Variants in YLPM1 observed in about 807,000 individuals in gnomAD.
YLPM1 encodes the protein YLP motif containing 1, also known as YLP motif-containing protein 1.
Under a neutral mutation model 230.0 loss-of-function variants are expected in YLPM1, and 99 were observed. The ratio of observed to expected loss-of-function variants is 0.43; its 90% CI spans 0.37 to 0.51. The LOEUF (loss-of-function observed/expected upper bound fraction) is 0.51. Ranked by LOEUF, YLPM1 falls within the 20% of genes least tolerant of loss-of-function variation. The pLI is 0.00. For synonymous variants in YLPM1, 984 were observed against 942.5 expected (o/e 1.04, Z -0.81); for missense variants, 2,592 against 2,707.7 (o/e 0.96, Z 0.95).
intron 4 of YLPM1, among the ~76,000 whole-genome samples, chr14:74,786,642 A>G (rs2091153044): frequency 6.6e-6 from 1 of 152,222 alleles, no homozygotes. Context: ...CCGTTCCTGT[A>G]CAATAGTTCA....
Position 74,784,971 on chromosome 14 carries a change from C to T in YLPM1, c.2282+2646C>T, listed in dbSNP as rs1195955815. Among the ~76,000 whole-genome samples, 3 of 152,286 alleles carry T rather than the reference C, an allele frequency of 2.0e-5. No individual in the cohort carries two copies. In the East Asian group the frequency reaches 5.8e-4, roughly 29 times the overall value. ...ATGCAGAGGAGCATGGGCCTAGTAC[C>T]AACTTCATTATAAATAATGTGCTTA... is the stretch of plus-strand genomic sequence containing the variant. On this transcript the variant is annotated intron_variant, in intron 4 of 20. Transcript: ENST00000325680.
chr14:74,816,307 T>G, intron 12 of YLPM1, 42 bp downstream of exon 12: 1 of 1,580,778 alleles, frequency 6.3e-7, no homozygotes, highest in Non-Finnish European at 8.6e-7. Flanking sequence ...TTGTGCTGCT[T>G]GTGTTAGTAG....
At chr14:74,787,379 A>C (rs2091160218) in intron 4 of YLPM1, among the ~76,000 whole-genome samples, 1 of 152,106 alleles carries the variant, frequency 6.6e-6, no homozygotes, top group Non-Finnish European at 1.5e-5. Context: ...CGTGGCCAAC[A>C]TGGTGAAGCC....
rs7157737 is a variant in YLPM1 at position 74,769,129 on chromosome 14, G to A, written c.873+4767G>A. 7.7e-3 allele frequency among the ~76,000 whole-genome samples: 1,173 copies of A among 151,374 alleles called. 13 individuals are homozygous for A. Among genetic ancestry groups the A allele is most frequent in the African/African-American group, 0.027 (1,110 of 41,442 alleles). On this transcript the variant is annotated intron_variant, in intron 1 of 20. Coordinates refer to ENST00000325680, the MANE Select transcript of YLPM1 (RefSeq NM_019589.3). Reference sequence around the variant, plus strand: ...CTCGCTCTGTTGCCCAGGCTGGAGTGCAGTGGCGCGATCTCGGCTCACTGC... The same window carrying A: ...CTCGCTCTGTTGCCCAGGCTGGAGTACAGTGGCGCGATCTCGGCTCACTGC...
chr14:74,830,589 C>A (rs924163862), intron 19 of YLPM1, among the ~76,000 whole-genome samples: 3 of 152,112 alleles, frequency 2.0e-5, no homozygotes, highest in African/African-American at 7.2e-5. Flanking sequence ...TAAAGGAATA[C>A]GTGAGATTGG....
chr14:74,824,198 G>T (rs1222138069), intron 17 of YLPM1, 58 bp from the exon 18 acceptor site: 1 of 1,541,800 alleles, frequency 6.5e-7, no homozygotes, highest in African/African-American at 1.4e-5. Context: ...GTTCAAACGT[G>T]ATATGCATGT....
At position 74,835,301 on chromosome 14, in the gene YLPM1, G is replaced by C; in HGVS notation, c.6331G>C (p.Asp2111His). ...AGACCTGGAAGAGAAGAAGGATGCA[G>C]ATAGGAAAAGGGCCATAGGTTTTGT... The part of the protein sequence containing the change: ...WADLEEKKDA[D>H]RKRAIGFVVG... The change falls in exon 20 of 21, where the codon GAT becomes CAT. Residue 2111 changes from aspartate (D) to histidine (H), a missense_variant. Asp to His is a moderately conservative substitution (Grantham distance 81). Coordinates refer to ENST00000325680, the MANE Select transcript of YLPM1 (RefSeq NM_019589.3). 1 of 1,613,670 alleles carries C rather than the reference G, an allele frequency of 6.2e-7. No individual in the cohort carries two copies. The highest frequency in any genetic ancestry group is 8.5e-7 in the Non-Finnish European group (1 of 1,179,666).
chr14:74,790,015 A>G (rs1316131832), intron 4 of YLPM1, among the ~76,000 whole-genome samples: 3 of 151,756 alleles, frequency 2.0e-5, no homozygotes, highest in Non-Finnish European at 2.9e-5. Context: ...CCTGTTCTAG[A>G]TTGTCTTGAT....
rs188885572 is a variant in YLPM1 at position 74,785,155 on chromosome 14, T to G, written c.2282+2830T>G. On this transcript the variant is annotated intron_variant, in intron 4 of 20. Coordinates refer to ENST00000325680, the MANE Select transcript of YLPM1 (RefSeq NM_019589.3). ...CTTATCCTGAACTTGTGTGGTTGGT[T>G]TTTTGTTTTTGTTTTTCTTGTTCCT... Among the ~76,000 whole-genome samples, 33 of 152,330 alleles carry G rather than the reference T, an allele frequency of 2.2e-4. No individual in the cohort carries two copies. In the East Asian group the frequency reaches 6.4e-3, roughly 29 times the overall value.
intron 1 of YLPM1, among the ~76,000 whole-genome samples, chr14:74,774,198 C>T (rs929668319): frequency 6.6e-6 from 1 of 152,188 alleles, no homozygotes; most frequent in Non-Finnish European, 1.5e-5. Flanking sequence ...AGAAAGTTTA[C>T]ATTAGGCAAA....
At chr14:74,767,722 G>A (rs2090927530) in intron 1 of YLPM1, among the ~76,000 whole-genome samples, 1 of 152,062 alleles carries the variant, frequency 6.6e-6, no homozygotes, top group Non-Finnish European at 1.5e-5. Context: ...TGAACTTGAT[G>A]AAAAATCTGT....
At chr14:74,805,221 C>G (rs1425424933) in intron 6 of YLPM1, among the ~76,000 whole-genome samples, 1 of 151,960 alleles carries the variant, frequency 6.6e-6, no homozygotes, top group Non-Finnish European at 1.5e-5. Context: ...AGGGTTTTAC[C>G]AATTGGCCAG....
In YLPM1 at chr14:74,818,221, T is replaced by A; in HGVS notation, c.5947-10T>A. On this transcript the variant is annotated splice_polypyrimidine_tract_variant and intron_variant, in intron 15 of 20. Coordinates refer to ENST00000325680, the MANE Select transcript of YLPM1 (RefSeq NM_019589.3). Reference sequence around the variant, plus strand: ...CTAGAGATAACTCAACCATCTGAATTTTTCAATAGATGGCTGATCACTGGG... The same window carrying A: ...CTAGAGATAACTCAACCATCTGAATATTTCAATAGATGGCTGATCACTGGG... 1 of 1,590,696 alleles carries A rather than the reference T, an allele frequency of 6.3e-7. No individual in the cohort carries two copies. Among genetic ancestry groups the A allele is most frequent in the Non-Finnish European group, 8.6e-7 (1 of 1,168,362 alleles).
intron 4 of YLPM1, 76 bp downstream of exon 4, chr14:74,782,401 T>TA: frequency 6.9e-7 from 1 of 1,449,090 alleles, no homozygotes; most frequent in South Asian, 1.5e-5. Flanking sequence ...CTCGATGGTA[T>TA]AAAAAGCTTC....
At position 74,816,681 on chromosome 14, in the gene YLPM1, G is replaced by A; in HGVS notation, c.5676G>A (p.Val1892=). ...EEKDPDSGKK[V]KKKVMEYEYE... ...AAGATCCAGATTCTGGAAAGAAAGTGAAAAAGAAGGTATGGTATTCATCTC... is the reference window on the plus strand; with the variant it reads ...AAGATCCAGATTCTGGAAAGAAAGTAAAAAAGAAGGTATGGTATTCATCTC... Residue 1892 remains valine, a synonymous_variant, in exon 13 of 21, where the codon GTG becomes GTA. Transcript: ENST00000325680. 1 of 1,611,426 alleles carries A rather than the reference G, an allele frequency of 6.2e-7. No individual in the cohort carries two copies. The highest frequency in any genetic ancestry group is 8.5e-7 in the Non-Finnish European group (1 of 1,179,008).
In YLPM1 at chr14:74,781,525, C is replaced by G. The variant is rs765332181; in HGVS notation, c.1482C>G (p.Ser494Arg). The G allele has an allele frequency of 3.0e-5, 48 of 1,613,884 alleles. No homozygotes were observed. The highest frequency in any genetic ancestry group is 3.8e-5 in the Non-Finnish European group (45 of 1,179,900). Residue 494 changes from serine (S) to arginine (R), a missense_variant, in exon 4 of 21, where the codon AGC becomes AGG. Coordinates refer to ENST00000325680, the MANE Select transcript of YLPM1 (RefSeq NM_019589.3). ...TWQGHMKATQ[S>R]YLQEKVNSFQ... Reference sequence around the variant, plus strand: ...AGGGACATATGAAAGCCACTCAGAGCTATCTCCAGGAGAAAGTCAATTCAT... The same window carrying G: ...AGGGACATATGAAAGCCACTCAGAGGTATCTCCAGGAGAAAGTCAATTCAT...
chr14:74,834,979 A>T, intron 19 of YLPM1: 1 of 287,474 alleles, frequency 3.5e-6, no homozygotes, highest in Non-Finnish European at 6.5e-6. Context: ...AAAAAAAATG[A>T]GGTCAGTGAA....
chr14:74,832,108 A>C (rs772378137), intron 19 of YLPM1, among the ~76,000 whole-genome samples: 9 of 152,232 alleles, frequency 5.9e-5, no homozygotes, highest in Non-Finnish European at 1.2e-4. Flanking sequence ...AGGGCTAGTT[A>C]AGATTTTTCT....
At chr14:74,789,228 T>C (rs2091180510) in intron 4 of YLPM1, among the ~76,000 whole-genome samples, 1 of 152,244 alleles carries the variant, frequency 6.6e-6, no homozygotes, top group Middle Eastern at 3.2e-3. Flanking sequence ...GCAAGCTTTC[T>C]TTTTTATTTT....
Sources: gnomAD v4.1 joint callset for allele counts (sites outside exome capture counted in the v4.1 genomes callset) on GRCh38, gnomAD v4.1.1 for gene constraint, MANE v1.5 for transcripts, NCBI Gene and HGNC (gene_info 2026-07-23, HGNC 2026-07-21) for gene names.